Variants in RDX observed in about 807,000 individuals in gnomAD.
The protein encoded by RDX is deafness, autosomal recessive 24.
Under a neutral mutation model 83.7 loss-of-function variants are expected in RDX, and 32 were observed. The ratio of observed to expected loss-of-function variants is 0.38; its 90% CI spans 0.29 to 0.51. The LOEUF (loss-of-function observed/expected upper bound fraction) is 0.51. RDX is among the 20% of genes least tolerant of loss of function. RDX has a pLI of 0.87. For synonymous variants in RDX, 229 were observed against 222.7 expected, an observed-to-expected ratio of 1.03 and a Z score of -0.25; for missense variants, 600 against 689.9, an observed-to-expected ratio of 0.87 and a Z score of 1.46.
chr11:110,206,300 C>T (rs1162398360), intron 14 of RDX, among the ~76,000 whole-genome samples: 1 of 150,658 alleles, frequency 6.6e-6, no homozygotes, highest in Non-Finnish European at 1.5e-5. Context: ...CAAATGTCCA[C>T]CATTGGGGGA....
At position 110,264,817 on chromosome 11, in the gene RDX, T is replaced by C. The variant is rs1859957112; in HGVS notation, c.154A>G (p.Ser52Gly). 1 of 1,613,882 alleles carries C rather than the reference T, an allele frequency of 6.2e-7. No homozygotes were observed. Among genetic ancestry groups the C allele is most frequent in the Non-Finnish European group, 8.5e-7 (1 of 1,179,866 alleles). Residue 52 changes from serine to glycine, a missense_variant, in exon 4 of 14, where the codon AGC becomes GGC. Ser to Gly is a moderately conservative substitution (Grantham distance 56). Coordinates refer to ENST00000645495, the MANE Select transcript of RDX (RefSeq NM_002906.4). ...VWFFGLQYVD[S>G]KGYSTWLKLN... ...TTAAGCCATGTAGAATAACCTTTGC[T>C]GTCTACATACTGCAGCCCAAAAAAC...
At chr11:110,257,702 C>T in intron 7 of RDX, 65 bp downstream of exon 7, 1 of 1,533,370 alleles carries the variant, frequency 6.5e-7, no homozygotes, top group South Asian at 1.1e-5. Context: ...AAAAACAGGA[C>T]ATAAGATTAA....
At position 110,257,620 on chromosome 11, in the gene RDX, C is replaced by G. The variant is rs367846309; in HGVS notation, c.698+147G>C. 1.9e-5 allele frequency: 15 copies of G among 794,572 alleles called. No homozygotes were observed. The Admixed American group carries it at 3.2e-4, about 17-fold the overall frequency. 49.2% of individuals were successfully genotyped at this position (794,572 alleles called of 1,614,324 possible). On this transcript the variant is annotated intron_variant, in intron 7 of 13. Coordinates refer to ENST00000645495, the MANE Select transcript of RDX (RefSeq NM_002906.4). Reference sequence around the variant, plus strand: ...TAAGAAAATGGAGGTAAAATATCTACAAGTCTATGTGTCATTAATTCATCT... The same window carrying G: ...TAAGAAAATGGAGGTAAAATATCTAGAAGTCTATGTGTCATTAATTCATCT...
At chr11:110,176,836 G>T (rs11604195) in intron 15 of RDX, among the ~76,000 whole-genome samples, 4,566 of 152,276 alleles carry the variant, frequency 0.03, 92 homozygotes, top group Non-Finnish European at 0.041. Flanking sequence ...CCTAACTCAG[G>T]CCTATTCTGC....
rs1342838556 is a variant in RDX, at chr11:110,229,799, T to C, written c.*2070A>G. 6.6e-6 allele frequency: 1 copy of C among 152,532 alleles called. No individual in the cohort carries two copies. Among genetic ancestry groups the C allele is most frequent in the Non-Finnish European group, 1.5e-5 (1 of 67,930 alleles). 9.4% of individuals were successfully genotyped at this position (152,532 alleles called of 1,614,324 possible). Reference sequence around the variant, plus strand: ...CAATACTGTATCAAACTGATGTAGCTATGGTAGTGCACATAATTCAAAATG... The same window carrying C: ...CAATACTGTATCAAACTGATGTAGCCATGGTAGTGCACATAATTCAAAATG... On this transcript the variant is annotated 3_prime_UTR_variant, in exon 14 of 14. Transcript: ENST00000645495.
chr11:110,190,030 C>A (rs578178600), intron 15 of RDX, among the ~76,000 whole-genome samples: 12 of 152,194 alleles, frequency 7.9e-5, no homozygotes, highest in South Asian at 6.2e-4. Flanking sequence ...ATGTGGTGAG[C>A]CGAGATCGTG....
In RDX at chr11:110,210,208, C is replaced by T. The variant is rs868349632; in HGVS notation, c.1749-10530G>A. On this transcript the variant is annotated intron_variant, in intron 14 of 15. Coordinates refer to the RDX transcript ENST00000528498. Reference sequence around the variant, plus strand: ...TGAAGAATGCAGAAGCCTCAGGAGCCGATGCAATCAACTGGAAGAAAGGGT... The same window carrying T: ...TGAAGAATGCAGAAGCCTCAGGAGCTGATGCAATCAACTGGAAGAAAGGGT... Among the ~76,000 whole-genome samples, 47 of 131,496 alleles carry T rather than the reference C, an allele frequency of 3.6e-4. No homozygotes were observed. In the East Asian group the frequency reaches 9.5e-3, roughly 27 times the overall value. The allele number at this position is 131,496 out of a possible 152,430, so 86.3% of individuals were successfully genotyped here.
In RDX at chr11:110,233,417, G is replaced by A; in HGVS notation, c.1407C>T (p.Ala469=). The A allele has an allele frequency of 1.2e-6, 2 of 1,613,966 alleles. No homozygotes were observed. Among genetic ancestry groups the A allele is most frequent in the Non-Finnish European group, 1.7e-6 (2 of 1,179,960 alleles). The change falls in exon 13 of 14, where the codon GCC becomes GCT. Residue 469 remains alanine (A), a synonymous_variant. Coordinates refer to ENST00000645495, the MANE Select transcript of RDX (RefSeq NM_002906.4). ...CTGGTGGTGGTGGAGGTGGAGGGGG[G>A]GCAGACATCACAGTTTTTAACTCTT... ...TKEELKTVMS[A]PPPPPPPPVI... is the part of the protein sequence containing the mutation.
intron 2 of RDX, among the ~76,000 whole-genome samples, chr11:110,278,167 T>C (rs1474307048): frequency 6.6e-6 from 1 of 152,200 alleles, no homozygotes; most frequent in East Asian, 1.9e-4. Flanking sequence ...CTTTCACCAA[T>C]ACCTCAATGT....
chr11:110,296,384 C>G (rs1483396703), intron 1 of RDX, 83 bp downstream of exon 1: 1 of 151,674 alleles, frequency 6.6e-6, no homozygotes, highest in Non-Finnish European at 1.5e-5. Context: ...GCAGCACGGG[C>G]CCCGCAACTT....
intron 1 of RDX, among the ~76,000 whole-genome samples, chr11:110,286,084 T>C (rs982655354): frequency 4.1e-4 from 63 of 152,314 alleles, no homozygotes; most frequent in African/African-American, 1.5e-3. Flanking sequence ...GCAAGTTTAT[T>C]GGTTTAAACT....
chr11:110,249,588 C>G (rs1212349113), intron 9 of RDX, among the ~76,000 whole-genome samples: 2 of 152,100 alleles, frequency 1.3e-5, no homozygotes, highest in Non-Finnish European at 2.9e-5. Flanking sequence ...ATCCTTCCAC[C>G]ATTTAATAAT....
At chr11:110,205,842 G>A (rs543467065) in intron 14 of RDX, among the ~76,000 whole-genome samples, 15 of 152,270 alleles carry the variant, frequency 9.9e-5, no homozygotes, top group African/African-American at 2.6e-4. Flanking sequence ...CATAATGACA[G>A]ACAACTCCCC....
intron 4 of RDX, among the ~76,000 whole-genome samples, 199 bp from the exon 5 acceptor site, chr11:110,264,433 C>T (rs1321450152): frequency 6.6e-6 from 1 of 152,102 alleles, no homozygotes; most frequent in African/African-American, 2.4e-5. Flanking sequence ...ACCTATAACT[C>T]AGATTCTAAT....
intron 1 of RDX, among the ~76,000 whole-genome samples, chr11:110,281,602 C>T (rs1054166059): frequency 6.6e-6 from 1 of 152,114 alleles, no homozygotes; most frequent in African/African-American, 2.4e-5. Flanking sequence ...GCTGGGATTA[C>T]AGGCATGAAC....
intron 5 of RDX, among the ~76,000 whole-genome samples, chr11:110,262,511 C>G (rs1859845784): frequency 6.6e-6 from 1 of 151,886 alleles, no homozygotes; most frequent in Non-Finnish European, 1.5e-5. Flanking sequence ...TCGCTTGAAT[C>G]CGGGAGGCGG....
intron 9 of RDX, among the ~76,000 whole-genome samples, chr11:110,251,147 A>G (rs370300366): frequency 1.2e-4 from 19 of 152,292 alleles, no homozygotes; most frequent in Non-Finnish European, 2.1e-4. Context: ...ATAGATGCAG[A>G]TATTTTTATT....
rs1396589566 is a variant in RDX, at chr11:110,231,573, C to T, written c.*296G>A. 41 of 403,358 alleles carry T rather than the reference C, an allele frequency of 1.0e-4. No individual in the cohort carries two copies. Among genetic ancestry groups the T allele is most frequent in the Non-Finnish European group, 1.4e-4 (31 of 217,272 alleles). The allele number at this position is 403,358 out of a possible 1,614,324, so 25.0% of individuals were successfully genotyped here. ...AAACCACACATACACATTTGTCAGA[C>T]GTGATAATTAGTGTTAATCTTCAAC... On this transcript the variant is annotated 3_prime_UTR_variant, in exon 14 of 14. Coordinates refer to ENST00000645495, the MANE Select transcript of RDX (RefSeq NM_002906.4).
chr11:110,277,974 T>C (rs1464393493), intron 2 of RDX, among the ~76,000 whole-genome samples: 4 of 152,208 alleles, frequency 2.6e-5, no homozygotes, highest in Non-Finnish European at 5.9e-5. Context: ...TGTTTGTAAA[T>C]TGTGAGACAA....
Sources: allele counts gnomAD v4.1 joint callset (sites outside exome capture counted in the v4.1 genomes callset), GRCh38; gene constraint gnomAD v4.1.1; transcripts MANE v1.5; gene names NCBI Gene and HGNC (gene_info 2026-07-23, HGNC 2026-07-21).